RAB3GAP1: variants seen among roughly 807,000 people sequenced by gnomAD.
RAB3GAP1 encodes rab3 GTPase-activating protein catalytic subunit.
A neutral mutation model predicts 130.7 loss-of-function variants in RAB3GAP1; 86 were observed. The ratio of observed to expected loss-of-function variants is 0.66; its 90% CI spans 0.55 to 0.79. The LOEUF (loss-of-function observed/expected upper bound fraction) is 0.79. Ranked by LOEUF, RAB3GAP1 falls within the 30% of genes least tolerant of loss-of-function variation. The probability of loss-of-function intolerance (pLI) is 0.00; values close to 1 mark genes in which losing one functional copy is unlikely to be tolerated. For missense variants in RAB3GAP1, 1,029 were observed against 1,169.4 expected (o/e 0.88, Z 1.75); for synonymous variants, 367 against 401.7 (o/e 0.91, Z 1.03).
chr2:135,085,134 C>A (rs1307439669), intron 3 of RAB3GAP1, among the ~76,000 whole-genome samples: 2 of 152,146 alleles, frequency 1.3e-5, no homozygotes, highest in East Asian at 3.8e-4. Flanking sequence ...AGGGTCAGAT[C>A]TGTAAGCTTT....
At chr2:135,151,302 CTTTA>C (rs1692165953) in intron 18 of RAB3GAP1, among the ~76,000 whole-genome samples, 1 of 152,228 alleles carries the variant, frequency 6.6e-6, no homozygotes, top group African/African-American at 2.4e-5. Context: ...AGACTTCCCT[CTTTA>C]TTTAACCTGT....
intron 5 of RAB3GAP1, among the ~76,000 whole-genome samples, chr2:135,104,699 AAAATAAATAAATAAAT>A (rs59733454): frequency 1.0e-4 from 15 of 148,764 alleles, no homozygotes; most frequent in South Asian, 2.1e-4. Flanking sequence ...CTAAAAATAC[AAAATAAATAAATAAAT>A]AAATAAATAA....
At chr2:135,112,631 A>T (rs144380295) in intron 5 of RAB3GAP1, among the ~76,000 whole-genome samples, 1 of 152,272 alleles carries the variant, frequency 6.6e-6, no homozygotes, top group African/African-American at 2.4e-5. Flanking sequence ...CAGCGTTCTC[A>T]GCCCAGCCAT....
rs757184202 is a variant in RAB3GAP1 at position 135,168,707 on chromosome 2, C to T, written c.2872C>T (p.Arg958Trp). The T allele has an allele frequency of 2.6e-5, 42 of 1,614,082 alleles. No homozygotes were observed. Among genetic ancestry groups the T allele is most frequent in the Non-Finnish European group, 3.1e-5 (36 of 1,180,030 alleles). ...PAPYSKALPQ[R>W]MYSVLTKEDF... ...TCCCTACTCCAAAGCTCTGCCTCAG[C>T]GGATGTACAGTGTTCTCACCAAAGA... is the stretch of plus-strand genomic sequence containing the variant. Residue 958 changes from arginine to tryptophan, a missense_variant, in exon 24 of 24, where the codon CGG becomes TGG. Around this residue, in one of 3 missense-constraint regions of RAB3GAP1, gnomAD observed 146 missense variants for 143.7 expected, o/e 1.02. Transcript: ENST00000264158.
At chr2:135,090,876 T>C in intron 3 of RAB3GAP1, 122 bp from the exon 4 acceptor site, 2 of 788,364 alleles carry the variant, frequency 2.5e-6, no homozygotes, top group Non-Finnish European at 4.1e-6. Flanking sequence ...TTTTATGTTT[T>C]TCTTTGATTG....
chr2:135,090,166 G>C (rs1019917636), intron 3 of RAB3GAP1, among the ~76,000 whole-genome samples: 1 of 152,058 alleles, frequency 6.6e-6, no homozygotes, highest in African/African-American at 2.4e-5. Flanking sequence ...ATGTACTTAC[G>C]TAATAATACA....
At chr2:135,109,064 A>G (rs987321536) in intron 5 of RAB3GAP1, among the ~76,000 whole-genome samples, 3 of 152,034 alleles carry the variant, frequency 2.0e-5, no homozygotes, top group African/African-American at 7.2e-5. Context: ...ACCACACTGT[A>G]TTGATTTCTG....
intron 19 of RAB3GAP1, among the ~76,000 whole-genome samples, chr2:135,161,618 A>G (rs1325322878): frequency 6.6e-6 from 1 of 152,110 alleles, no homozygotes; most frequent in African/African-American, 2.4e-5. Flanking sequence ...TCTTTAAACT[A>G]TTTCTAATAC....
chr2:135,096,101 C>T (rs1690285542), intron 5 of RAB3GAP1, among the ~76,000 whole-genome samples: 1 of 152,160 alleles, frequency 6.6e-6, no homozygotes. Context: ...AAGGTCTCTT[C>T]TGTCTTTTTC....
intron 7 of RAB3GAP1, among the ~76,000 whole-genome samples, chr2:135,117,808 CT>C (rs763508100): frequency 2.6e-4 from 32 of 123,244 alleles, no homozygotes; most frequent in East Asian, 1.1e-3. Context: ...TCTTCTTCTT[CT>C]TTCTTCTTCT....
At chr2:135,115,127 T>G in intron 6 of RAB3GAP1, 89 bp from the exon 7 acceptor site, 162 of 1,282,984 alleles carry the variant, frequency 1.3e-4, no homozygotes, top group Non-Finnish European at 1.6e-4. Flanking sequence ...TTCAAATTCT[T>G]GAGATTAAAA....
intron 19 of RAB3GAP1, among the ~76,000 whole-genome samples, chr2:135,154,876 T>A (rs892752301): frequency 6.6e-6 from 1 of 152,092 alleles, no homozygotes; most frequent in African/African-American, 2.4e-5. Flanking sequence ...ACAACCAGCC[T>A]CCCTCATCTC....
At chr2:135,133,041 G>A (rs1691590998) in intron 14 of RAB3GAP1, 57 bp downstream of exon 14, 1 of 1,037,136 alleles carries the variant, frequency 9.6e-7, no homozygotes, top group Admixed American at 1.7e-5. Flanking sequence ...ATTTCTAGAG[G>A]TTCTATATAT....
chr2:135,141,639 C>T (rs1317741259), intron 17 of RAB3GAP1, among the ~76,000 whole-genome samples: 1 of 152,158 alleles, frequency 6.6e-6, no homozygotes. Flanking sequence ...CTTAAGAACT[C>T]TTTACCAAGT....
At chr2:135,135,174 T>C (rs1418430754) in intron 15 of RAB3GAP1, 91 bp from the exon 16 acceptor site, 2 of 1,010,668 alleles carry the variant, frequency 2.0e-6, no homozygotes, top group East Asian at 2.5e-5. Context: ...CTTATCAATA[T>C]AGCTAAAAAT....
intron 5 of RAB3GAP1, among the ~76,000 whole-genome samples, chr2:135,112,826 TCTCTCTCTCACA>T (rs1376816701): frequency 4.1e-4 from 53 of 130,018 alleles, no homozygotes; most frequent in African/African-American, 1.6e-3. Flanking sequence ...TCTCTCTCTC[TCTCTCTCTCACA>T]CACACACACA....
intron 3 of RAB3GAP1, 94 bp downstream of exon 3, chr2:135,058,180 G>A (rs1243093950): frequency 1.1e-5 from 11 of 1,043,318 alleles, no homozygotes; most frequent in Non-Finnish European, 1.3e-5. Flanking sequence ...TGAATTAAAT[G>A]TTTTTTAAAG....
In RAB3GAP1 at chr2:135,075,729, G is replaced by A. The variant is rs570006392; in HGVS notation, c.151-15269G>A. 6.6e-5 allele frequency among the ~76,000 whole-genome samples: 10 copies of A among 150,414 alleles called. No individual in the cohort carries two copies. In the East Asian group the frequency reaches 1.4e-3, roughly 21 times the overall value. On this transcript the variant is annotated intron_variant, in intron 3 of 23. Transcript: ENST00000264158. ...TGGGGGTTTTCCTCAAATATCTGAC[G>A]ATCTCTATCTACTCATTTGAGAGTG...
intron 17 of RAB3GAP1, among the ~76,000 whole-genome samples, chr2:135,141,251 G>C (rs1691831257): frequency 1.4e-5 from 2 of 139,778 alleles, no homozygotes; most frequent in Non-Finnish European, 3.0e-5. Flanking sequence ...TTTTGAGACA[G>C]TCTCACTCTG....
Sources: gnomAD v4.1 joint callset for allele counts (sites outside exome capture counted in the v4.1 genomes callset) on GRCh38, gnomAD v4.1.1 for gene constraint, gnomAD v4.1.1 regional missense constraint, MANE v1.5 for transcripts, NCBI Gene and HGNC (gene_info 2026-07-23, HGNC 2026-07-21) for gene names.